CRACD: variants seen among roughly 807,000 people sequenced by gnomAD.
CRACD encodes capping protein inhibiting regulator of actin dynamics, also known as capping protein-inhibiting regulator of actin dynamics.
CRACD carries 56 observed loss-of-function variants against 106.8 expected under a neutral mutation model. The ratio of observed to expected loss-of-function variants is 0.52; its 90% confidence interval spans 0.42 to 0.66. CRACD has a LOEUF of 0.66. CRACD is among the 30% of genes least tolerant of loss of function. The probability of loss-of-function intolerance (pLI) is 0.00; values close to 1 mark genes in which losing one functional copy is unlikely to be tolerated. For synonymous variants in CRACD, 754 were observed against 670.8 expected (o/e 1.12, Z -1.92); for missense variants, 1,730 against 1,623.2 (o/e 1.07, Z -1.13).
intron 2 of CRACD, among the ~76,000 whole-genome samples, chr4:56,242,625 C>T (rs1035703773): frequency 1.4e-4 from 22 of 152,152 alleles, no homozygotes; most frequent in African/African-American, 5.3e-4. Flanking sequence ...AAAAAGACGT[C>T]GGGGGCCACA....
chr4:56,260,168 T>G lies in CRACD; in HGVS notation c.-188-12153T>G, dbSNP rs541117988. On this transcript the variant is annotated intron_variant, in intron 2 of 10. Coordinates refer to ENST00000682029, the MANE Select transcript of CRACD (RefSeq NM_001393381.1). ...TGTTTCTTCCTTATTTTGTTATGAA[T>G]GTGTTTGCATATATATTAACCCAAC... is the stretch of plus-strand genomic sequence containing the variant. 2.6e-5 allele frequency among the ~76,000 whole-genome samples: 4 copies of G among 152,382 alleles called. No homozygotes were observed. The East Asian group carries it at 7.7e-4, about 29-fold the overall frequency.
intron 2 of CRACD, among the ~76,000 whole-genome samples, chr4:56,190,165 C>A (rs1348284950): frequency 6.6e-6 from 1 of 151,720 alleles, no homozygotes; most frequent in Non-Finnish European, 1.5e-5. Context: ...TTTTTTATGG[C>A]TGCATAGTAT....
At chr4:56,107,444 T>C (rs1369925162) in intron 1 of CRACD, among the ~76,000 whole-genome samples, 2 of 152,176 alleles carry the variant, frequency 1.3e-5, no homozygotes, top group East Asian at 3.9e-4. Flanking sequence ...GCTTAGTAAA[T>C]TTTAGCTACT....
At chr4:56,320,023 A>C (rs935743829) in intron 8 of CRACD, among the ~76,000 whole-genome samples, 1 of 151,938 alleles carries the variant, frequency 6.6e-6, no homozygotes, top group Admixed American at 6.6e-5. Flanking sequence ...AAATACAAAA[A>C]TTAGCCAGGT....
intron 2 of CRACD, among the ~76,000 whole-genome samples, chr4:56,253,178 A>G (rs1392281583): frequency 6.6e-6 from 1 of 152,114 alleles, no homozygotes; most frequent in African/African-American, 2.4e-5. Flanking sequence ...TACAGACCAT[A>G]CTCTGGCCTC....
rs940084612 is a variant in CRACD, at chr4:56,330,009, T to G, written c.*2205T>G. ...AGTCACAATACTTACTTCTAACAGCTTCTAAAGGGTACATGTTTAACATTT... is the reference window on the plus strand; with the variant it reads ...AGTCACAATACTTACTTCTAACAGCGTCTAAAGGGTACATGTTTAACATTT... On this transcript the variant is annotated 3_prime_UTR_variant, in exon 11 of 11. Transcript: ENST00000682029. 2.0e-5 allele frequency among the ~76,000 whole-genome samples: 3 copies of G among 152,174 alleles called. No homozygotes were observed. The highest frequency in any genetic ancestry group is 4.4e-5 in the Non-Finnish European group (3 of 68,030).
At chr4:56,282,601 G>T (rs189026760) in intron 3 of CRACD, among the ~76,000 whole-genome samples, 3 of 152,306 alleles carry the variant, frequency 2.0e-5, no homozygotes, top group Non-Finnish European at 4.4e-5. Context: ...GTTGGTTGAC[G>T]AAATGGCCCA....
chr4:56,206,507 A>G (rs1738127937), intron 2 of CRACD, among the ~76,000 whole-genome samples: 1 of 152,228 alleles, frequency 6.6e-6, no homozygotes, highest in Non-Finnish European at 1.5e-5. Context: ...AACATTATTG[A>G]CAGCCGTCCA....
At chr4:56,062,917 A>G (rs1732329593) in intron 1 of CRACD, among the ~76,000 whole-genome samples, 1 of 152,184 alleles carries the variant, frequency 6.6e-6, no homozygotes, top group Non-Finnish European at 1.5e-5. Flanking sequence ...GCTGTTGTTT[A>G]CAGTCCCTGC....
intron 2 of CRACD, among the ~76,000 whole-genome samples, chr4:56,182,863 A>ATGTGTGTGTGTGTGTGTGTGTGTGTG (rs34291347): frequency 6.9e-6 from 1 of 144,726 alleles, no homozygotes; most frequent in African/African-American, 2.6e-5. Context: ...AAAAAAAGAT[A>ATGTGTGTGTGTGTGTGTGTGTGTGTG]TGTGTGTGTG....
intron 1 of CRACD, among the ~76,000 whole-genome samples, chr4:56,092,228 C>G (rs1215755427): frequency 6.6e-6 from 1 of 152,184 alleles, no homozygotes; most frequent in African/African-American, 2.4e-5. Flanking sequence ...CTGACATGCA[C>G]TTGACTCAAG....
At chr4:56,229,201 A>G (rs1348008851) in intron 2 of CRACD, among the ~76,000 whole-genome samples, 2 of 152,178 alleles carry the variant, frequency 1.3e-5, no homozygotes, top group Non-Finnish European at 2.9e-5. Context: ...TCCAAAATTC[A>G]TTATGTTGGA....
At chr4:56,176,007 G>A (rs1187700863) in intron 1 of CRACD, among the ~76,000 whole-genome samples, 4 of 152,136 alleles carry the variant, frequency 2.6e-5, no homozygotes, top group African/African-American at 9.7e-5. Context: ...GATATCCAGT[G>A]TTCCCAGCAT....
chr4:56,198,763 T>C (rs1319309024), intron 2 of CRACD, among the ~76,000 whole-genome samples: 1 of 152,150 alleles, frequency 6.6e-6, no homozygotes, highest in Admixed American at 6.5e-5. Context: ...TATAAATTTG[T>C]GCTCTTAAAG....
At chr4:56,198,399 C>T (rs146690444) in intron 2 of CRACD, among the ~76,000 whole-genome samples, 1 of 152,298 alleles carries the variant, frequency 6.6e-6, no homozygotes, top group East Asian at 1.9e-4. Context: ...ATAGTAGTCT[C>T]ATTCTTACCC....
intron 4 of CRACD, among the ~76,000 whole-genome samples, chr4:56,303,209 C>T (rs1744470401): frequency 1.3e-5 from 2 of 152,108 alleles, no homozygotes; most frequent in African/African-American, 2.4e-5. Flanking sequence ...GCAGGACGTG[C>T]AGGCATGTGC....
chr4:56,145,460 T>TC (rs1180505447), intron 1 of CRACD, among the ~76,000 whole-genome samples: 1 of 152,180 alleles, frequency 6.6e-6, no homozygotes, highest in Non-Finnish European at 1.5e-5. Flanking sequence ...AACCTTTTTC[T>TC]CCCCATAGAC....
At chr4:56,272,007 G>T (rs1321980202) in intron 2 of CRACD, among the ~76,000 whole-genome samples, 1 of 152,184 alleles carries the variant, frequency 6.6e-6, no homozygotes, top group Admixed American at 6.5e-5. Context: ...GCCTCCCAAA[G>T]TGTTGGGATT....
rs543459257 is a variant in CRACD, at chr4:56,190,819, G to C, written c.-189+11389G>C. Among the ~76,000 whole-genome samples, 17 of 152,204 alleles carry C rather than the reference G, an allele frequency of 1.1e-4. No individual in the cohort carries two copies. The South Asian group carries it at 3.3e-3, about 30-fold the overall frequency. On this transcript the variant is annotated intron_variant, in intron 2 of 10. Coordinates refer to ENST00000682029, the MANE Select transcript of CRACD (RefSeq NM_001393381.1). ...GTGCCCCAGTGGGGATTCTGTGTGG[G>C]GGGAATCCAACCCCACATTTCCCTT...
Sources: allele counts gnomAD v4.1 joint callset (sites outside exome capture counted in the v4.1 genomes callset), GRCh38; gene constraint gnomAD v4.1.1; transcripts MANE v1.5; gene names NCBI Gene and HGNC (gene_info 2026-07-23, HGNC 2026-07-21).